Variants in ABTB3 observed in about 807,000 individuals in gnomAD.
The protein encoded by ABTB3 is ankyrin repeat and BTB domain containing 3.
At chr12:107,410,111 A>G in the ABTB3 span, among the ~76,000 whole-genome samples, 5 of 152,088 alleles carry the variant, frequency 3.3e-5, no homozygotes, top group Middle Eastern at 3.4e-3. Flanking sequence ...ACATCGGCCC[A>G]GCCACTGTGT....
chr12:107,513,619 C>T, the ABTB3 span, among the ~76,000 whole-genome samples: 3 of 152,306 alleles, frequency 2.0e-5, no homozygotes, highest in African/African-American at 2.4e-5. Context: ...CACCCAGTCT[C>T]GGGTATTTCC....
At chr12:107,635,211 G>T in the ABTB3 span, 2 of 1,304,248 alleles carry the variant, frequency 1.5e-6, no homozygotes, top group East Asian at 4.7e-5. Context: ...CTGGAGGGAC[G>T]CATTCCTGGG....
the ABTB3 span, among the ~76,000 whole-genome samples, chr12:107,622,220 C>T: frequency 6.6e-6 from 1 of 152,028 alleles, no homozygotes; most frequent in African/African-American, 2.4e-5. Context: ...GACCACTGGC[C>T]GGGGGTGGGA....
chr12:107,446,184 G>A, the ABTB3 span, among the ~76,000 whole-genome samples: 628 of 152,188 alleles, frequency 4.1e-3, 4 homozygotes, highest in African/African-American at 0.014. Flanking sequence ...TAAACACGGC[G>A]CTGAGTGCAT....
At chr12:107,421,819 A>C in the ABTB3 span, among the ~76,000 whole-genome samples, 1 of 152,134 alleles carries the variant, frequency 6.6e-6, no homozygotes, top group Admixed American at 6.5e-5. Context: ...AAACTGATGG[A>C]CCAGAAAGGC....
chr12:107,318,593 G>C, the ABTB3 span: 1 of 194,186 alleles, frequency 5.1e-6, no homozygotes, highest in Non-Finnish European at 1.0e-5. Flanking sequence ...GCCGGCGCCC[G>C]GTGGCTACTG....
the ABTB3 span, among the ~76,000 whole-genome samples, chr12:107,488,690 T>C: frequency 2.0e-5 from 3 of 150,368 alleles, no homozygotes; most frequent in Non-Finnish European, 4.4e-5. Context: ...TTATATATTA[T>C]AAAATTTACC....
At chr12:107,512,549 G>A in the ABTB3 span, among the ~76,000 whole-genome samples, 2 of 152,184 alleles carry the variant, frequency 1.3e-5, no homozygotes, top group Non-Finnish European at 2.9e-5. Flanking sequence ...GTTATACTGC[G>A]AGTTCCAGAA....
chr12:107,508,282 T>C, the ABTB3 span, among the ~76,000 whole-genome samples: 17 of 150,446 alleles, frequency 1.1e-4, no homozygotes, highest in Non-Finnish European at 2.1e-4. Flanking sequence ...TGGACGGAAG[T>C]TTGGATGGAC....
At chr12:107,490,563 T>C in the ABTB3 span, among the ~76,000 whole-genome samples, 1 of 152,140 alleles carries the variant, frequency 6.6e-6, no homozygotes, top group Non-Finnish European at 1.5e-5. Flanking sequence ...CTCTCTCTCA[T>C]GCCCCTAGGA....
chr12:107,472,660 C>T, the ABTB3 span, among the ~76,000 whole-genome samples: 3 of 152,144 alleles, frequency 2.0e-5, no homozygotes, highest in Non-Finnish European at 4.4e-5. Context: ...GAGTGATGTA[C>T]GAGCATTGGC....
At chr12:107,532,371 C>T in the ABTB3 span, among the ~76,000 whole-genome samples, 1 of 152,196 alleles carries the variant, frequency 6.6e-6, no homozygotes, top group African/African-American at 2.4e-5. Context: ...AAAACCATAC[C>T]ACATCCATCA....
chr12:107,319,317 A>G, the ABTB3 span: 2 of 1,545,720 alleles, frequency 1.3e-6, no homozygotes, highest in South Asian at 1.2e-5. Flanking sequence ...GGCCTGCCCA[A>G]GGACGCGCTG....
chr12:107,339,020 T>C, the ABTB3 span, among the ~76,000 whole-genome samples: 1 of 152,134 alleles, frequency 6.6e-6, no homozygotes, highest in South Asian at 2.1e-4. Context: ...AGACCTCAGA[T>C]GCTGCTACTT....
chr12:107,331,468 G>A, the ABTB3 span, among the ~76,000 whole-genome samples: 2 of 152,238 alleles, frequency 1.3e-5, no homozygotes, highest in African/African-American at 2.4e-5. Context: ...GTGAGGTCCA[G>A]GGCGGTGCCT....
chr12:107,463,631 A>C, the ABTB3 span, among the ~76,000 whole-genome samples: 1 of 152,186 alleles, frequency 6.6e-6, no homozygotes, highest in African/African-American at 2.4e-5. Flanking sequence ...TCCCTAAGCC[A>C]CATAAACTCA....
At chr12:107,505,746 T>C in the ABTB3 span, among the ~76,000 whole-genome samples, 1 of 152,212 alleles carries the variant, frequency 6.6e-6, no homozygotes, top group Non-Finnish European at 1.5e-5. Flanking sequence ...CCATGTGTTC[T>C]CATCACTTAG....
At chr12:107,510,984 G>C in the ABTB3 span, among the ~76,000 whole-genome samples, 56 of 152,266 alleles carry the variant, frequency 3.7e-4, no homozygotes, top group South Asian at 1.0e-2. Context: ...AGCCCTAAAT[G>C]AGTAAGAGAG....
the ABTB3 span, among the ~76,000 whole-genome samples, chr12:107,627,012 T>C: frequency 2.5e-4 from 38 of 152,118 alleles, no homozygotes; most frequent in Admixed American, 1.3e-4. Context: ...AAAATTAATT[T>C]AATTCTAAAA....
Sources: allele counts gnomAD v4.1 joint callset (sites outside exome capture counted in the v4.1 genomes callset), GRCh38; gene constraint gnomAD v4.1.1; transcripts MANE v1.5; gene names NCBI Gene and HGNC (gene_info 2026-07-23, HGNC 2026-07-21).